ACER1: variants seen among roughly 807,000 people sequenced by gnomAD.
ACER1 encodes the protein alkaline ceramidase 1.
ACER1 carries 28 observed loss-of-function variants against 24.9 expected under a neutral mutation model. The observed-to-expected ratio is 1.13, with a 90% CI of 0.83 to 1.54. The LOEUF is 1.54. ACER1 is among the 40% of genes most tolerant of loss of function. The pLI, the probability that ACER1 is intolerant of heterozygous loss-of-function variation, is 0.00. For missense variants in ACER1, 352 were observed against 349.3 expected (o/e 1.01, Z -0.06); for synonymous variants, 132 against 131.4 (o/e 1.00, Z -0.03).
At chr19:6,359,299 GTC>G in the ACER1 span, among the ~76,000 whole-genome samples, 3 of 151,152 alleles carry the variant, frequency 2.0e-5, no homozygotes, top group Non-Finnish European at 2.9e-5. Flanking sequence ...CACTTCAGGA[GTC>G]TCTCTGAATC....
At chr19:6,355,985 T>C in the ACER1 span, among the ~76,000 whole-genome samples, 5 of 151,680 alleles carry the variant, frequency 3.3e-5, no homozygotes, top group South Asian at 8.3e-4. Context: ...CAATAGCTCA[T>C]TGAGAACGGG....
chr19:6,357,769 A>C, the ACER1 span, among the ~76,000 whole-genome samples: 2 of 152,064 alleles, frequency 1.3e-5, no homozygotes, highest in African/African-American at 4.8e-5. Flanking sequence ...TCTCAAAAAA[A>C]AAAAAAAATT....
At chr19:6,309,980 G>T in intron 3 of ACER1, 146 bp from the exon 4 acceptor site, 1 of 995,706 alleles carries the variant, frequency 1.0e-6, no homozygotes, top group African/African-American at 1.6e-5. Context: ...GTCCTAGCCA[G>T]GCAGGGCACG....
intron 1 of ACER1, among the ~76,000 whole-genome samples, chr19:6,321,301 A>G (rs1204531900): frequency 2.0e-5 from 3 of 151,746 alleles, no homozygotes; most frequent in Non-Finnish European, 4.4e-5. Context: ...ATGCTTGTCT[A>G]TTTATTTATT....
the ACER1 span, among the ~76,000 whole-genome samples, chr19:6,356,074 T>G: frequency 1.3e-5 from 2 of 151,592 alleles, no homozygotes; most frequent in South Asian, 2.1e-4. Context: ...ATGGTTGCCA[T>G]GTCTGTGTAG....
chr19:6,316,950 G>A (rs1279635217), intron 1 of ACER1, among the ~76,000 whole-genome samples: 1 of 147,530 alleles, frequency 6.8e-6, no homozygotes, highest in Non-Finnish European at 1.5e-5. Flanking sequence ...TCAGAAACAA[G>A]TCTCTTTCCC....
intron 4 of ACER1, among the ~76,000 whole-genome samples, chr19:6,308,019 G>T (rs76814454): frequency 0.038 from 5,809 of 151,976 alleles, 251 homozygotes; most frequent in East Asian, 0.17. Flanking sequence ...AGAGGCGGAG[G>T]TTGCAATGAG....
chr19:6,355,209 A>C, the ACER1 span, among the ~76,000 whole-genome samples: 1 of 151,938 alleles, frequency 6.6e-6, no homozygotes, highest in Non-Finnish European at 1.5e-5. Context: ...TTGGCCTCCC[A>C]AAGTGCCGAG....
the ACER1 span, among the ~76,000 whole-genome samples, chr19:6,355,797 T>TG: frequency 1.9e-5 from 2 of 104,534 alleles, no homozygotes; most frequent in African/African-American, 4.0e-5. Flanking sequence ...GGGAGGGAGG[T>TG]GGGGGGTTCA....
chr19:6,314,296 C>A (rs2091593704), intron 1 of ACER1, among the ~76,000 whole-genome samples: 1 of 151,496 alleles, frequency 6.6e-6, no homozygotes, highest in African/African-American at 2.4e-5. Flanking sequence ...ATGGTGAAAT[C>A]CCATCTCTAC....
chr19:6,318,242 G>A (rs1473513130), intron 1 of ACER1, among the ~76,000 whole-genome samples: 2 of 148,726 alleles, frequency 1.3e-5, no homozygotes, highest in Admixed American at 1.3e-4. Flanking sequence ...GGCCGAGGTG[G>A]GCCGATCACC....
chr19:6,336,769 G>A (rs1462429444), upstream of ACER1, among the ~76,000 whole-genome samples: 2 of 144,334 alleles, frequency 1.4e-5, no homozygotes, highest in Non-Finnish European at 3.0e-5. Flanking sequence ...GTAGTGAGCC[G>A]AGATCACGCC....
intron 1 of ACER1, among the ~76,000 whole-genome samples, chr19:6,315,193 A>ATTTATTTATTTATT (rs572240648): frequency 2.0e-5 from 3 of 148,820 alleles, no homozygotes; most frequent in East Asian, 2.0e-4. Flanking sequence ...TTATTTATTT[A>ATTTATTTATTTATT]TATTTATTTA....
intron 1 of ACER1, among the ~76,000 whole-genome samples, chr19:6,314,548 C>T (rs2091594646): frequency 6.6e-6 from 1 of 151,774 alleles, no homozygotes; most frequent in African/African-American, 2.4e-5. Context: ...TGACATCAGA[C>T]TTTGACTCCC....
chr19:6,349,084 G>GAGGAAGA, the ACER1 span, among the ~76,000 whole-genome samples: 5 of 150,906 alleles, frequency 3.3e-5, no homozygotes, highest in African/African-American at 1.2e-4. Flanking sequence ...GAAGGAGGAG[G>GAGGAAGA]AGGAAGAAAG....
At chr19:6,313,280 G>A (rs1364057588) in intron 1 of ACER1, among the ~76,000 whole-genome samples, 1 of 151,920 alleles carries the variant, frequency 6.6e-6, no homozygotes, top group Non-Finnish European at 1.5e-5. Flanking sequence ...CACCCCACCT[G>A]GCTAATTTTC....
intron 1 of ACER1, among the ~76,000 whole-genome samples, chr19:6,312,925 T>C (rs28439327): frequency 0.32 from 49,044 of 151,784 alleles, 9,685 homozygotes; most frequent in African/African-American, 0.54. Flanking sequence ...GATCCGCCCA[T>C]CTTGGCCTCC....
At chr19:6,354,001 G>A in the ACER1 span, among the ~76,000 whole-genome samples, 1 of 151,398 alleles carries the variant, frequency 6.6e-6, no homozygotes, top group East Asian at 1.9e-4. Context: ...GGCCAACACG[G>A]TGGAACCCCA....
At chr19:6,336,292 C>T (rs1032541460), upstream of ACER1, among the ~76,000 whole-genome samples, 2 of 152,152 alleles carry the variant, frequency 1.3e-5, no homozygotes, top group Non-Finnish European at 2.9e-5. Flanking sequence ...GCTTGATCTC[C>T]TGAGCTCATG....
Sources: gnomAD v4.1 joint callset for allele counts (sites outside exome capture counted in the v4.1 genomes callset) on GRCh38, gnomAD v4.1.1 for gene constraint, MANE v1.5 for transcripts, NCBI Gene and HGNC (gene_info 2026-07-23, HGNC 2026-07-21) for gene names.